TMPO: variants seen among roughly 807,000 people sequenced by gnomAD.
The protein encoded by TMPO is LEM domain containing 4.
TMPO carries 22 observed loss-of-function variants against 45.4 expected under a neutral mutation model. The observed-to-expected ratio is 0.48, with a 90% CI of 0.35 to 0.69. TMPO has a LOEUF of 0.69. Ranked by LOEUF, TMPO falls within the 30% of genes least tolerant of loss-of-function variation. The probability of loss-of-function intolerance (pLI) is 0.01; values close to 1 mark genes in which losing one functional copy is unlikely to be tolerated. For missense variants in TMPO, 512 were observed against 548.8 expected (o/e 0.93, Z 0.67); for synonymous variants, 241 against 204.1 (o/e 1.18, Z -1.54).
rs546263153 is a variant in TMPO at position 98,516,297 on chromosome 12, C to T, written c.279+151C>T. The T allele has an allele frequency of 3.3e-3, 4,103 of 1,237,702 alleles. 12 individuals carry two copies. The highest frequency in any genetic ancestry group is 4.6e-3 in the Admixed American group (107 of 23,092). The allele number at this position is 1,237,702 out of a possible 1,614,324, so 76.7% of individuals were successfully genotyped here. On this transcript the variant is annotated intron_variant, in intron 1 of 8. Transcript: ENST00000556029. ...GCCCCCTCGCGTCGCCCCTTCCCCG[C>T]GGGGCTGCAGGCGCCGGAGCGGAGA...
At chr12:98,542,592 T>C (rs979641049) in intron 4 of TMPO, among the ~76,000 whole-genome samples, 1 of 152,188 alleles carries the variant, frequency 6.6e-6, no homozygotes, top group African/African-American at 2.4e-5. Context: ...CCAGGTGCAG[T>C]GGCTCACACC....
intron 4 of TMPO, among the ~76,000 whole-genome samples, chr12:98,541,211 T>C (rs1047756528): frequency 6.6e-6 from 1 of 152,198 alleles, no homozygotes; most frequent in Non-Finnish European, 1.5e-5. Flanking sequence ...GAATCAGCCA[T>C]GTTTCTAAGG....
chr12:98,515,789 G>A lies in TMPO; in HGVS notation c.-79G>A. On this transcript the variant is annotated 5_prime_UTR_variant, in exon 1 of 9. Transcript: ENST00000556029. ...CGTGAGGCTCGGAGGCGGCAGCGCG[G>A]TCCCCGGCCAGGAGCAAGCGCGCCG... is the stretch of plus-strand genomic sequence containing the variant. 6.4e-7 allele frequency: 1 copy of A among 1,553,660 alleles called. No homozygotes were observed. The highest frequency in any genetic ancestry group is 8.7e-7 in the Non-Finnish European group (1 of 1,149,762).
intron 4 of TMPO, 115 bp from the exon 5 acceptor site, chr12:98,544,115 G>C: frequency 1.7e-6 from 2 of 1,160,906 alleles, no homozygotes; most frequent in Non-Finnish European, 2.5e-6. Context: ...AGCCTTGTTT[G>C]TAAATGCTGG....
At chr12:98,518,026 C>T (rs1433337014) in intron 1 of TMPO, among the ~76,000 whole-genome samples, 3 of 151,912 alleles carry the variant, frequency 2.0e-5, no homozygotes, top group African/African-American at 4.8e-5. Context: ...AAAAATTAGC[C>T]GTGCCTGGTG....
At chr12:98,534,775 C>G (rs1372653554) in intron 3 of TMPO, 10 of 1,010,128 alleles carry the variant, frequency 9.9e-6, no homozygotes, top group African/African-American at 7.0e-5. Flanking sequence ...ACTTTTATCT[C>G]AGTATCTTTT....
At chr12:98,529,863 T>A (rs1877061732) in intron 2 of TMPO, among the ~76,000 whole-genome samples, 1 of 152,198 alleles carries the variant, frequency 6.6e-6, no homozygotes. Flanking sequence ...CTGGTCTTGA[T>A]CTTCTAAGTT....
At chr12:98,516,477 C>T in intron 1 of TMPO, 1 of 1,117,756 alleles carries the variant, frequency 8.9e-7, no homozygotes, top group Non-Finnish European at 1.1e-6. Context: ...ACTTCCGTGC[C>T]CTTTCGAAAG....
At chr12:98,528,912 C>T (rs1461967383) in intron 2 of TMPO, among the ~76,000 whole-genome samples, 3 of 151,806 alleles carry the variant, frequency 2.0e-5, no homozygotes, top group Admixed American at 6.6e-5. Context: ...TGCAGTGAGC[C>T]GTGATGGCTA....
intron 3 of TMPO, chr12:98,535,401 GA>G (rs1316346660): frequency 7.1e-6 from 7 of 985,264 alleles, no homozygotes; most frequent in Non-Finnish European, 8.4e-6. Flanking sequence ...AGGTATTGTG[GA>G]AAGTAGTAGC....
chr12:98,521,071 C>T (rs2121131277), intron 1 of TMPO, among the ~76,000 whole-genome samples: 1 of 145,424 alleles, frequency 6.9e-6, no homozygotes, highest in African/African-American at 2.6e-5. Flanking sequence ...CATGCATATA[C>T]CTTCTATTTA....
chr12:98,549,451 T>C lies in TMPO; in HGVS notation c.*1593T>C, dbSNP rs1056869808. ...TGCTGGGATTACAGGTGTGATCCAC[T>C]GCACCCGGCCGGCATTATGATTTTG... is the stretch of plus-strand genomic sequence containing the variant. On this transcript the variant is annotated 3_prime_UTR_variant, in exon 9 of 9. Coordinates refer to ENST00000556029, the MANE Select transcript of TMPO (RefSeq NM_001032283.3). The C allele has an allele frequency of 9.0e-6, 1 of 111,156 alleles. No homozygotes were observed. The highest frequency in any genetic ancestry group is 2.0e-5 in the Non-Finnish European group (1 of 50,854). 6.9% of individuals were successfully genotyped at this position (111,156 alleles called of 1,614,324 possible).
At position 98,537,168 on chromosome 12, in the gene TMPO, T is replaced by C. The variant is rs548576611; in HGVS notation, c.566-307T>C. 1.3e-3 allele frequency among the ~76,000 whole-genome samples: 201 copies of C among 152,328 alleles called. 2 individuals are homozygous for C. The highest frequency in any genetic ancestry group is 4.6e-3 in the African/African-American group (193 of 41,574). ...CTAAATTGTTCTTACTGAAAAGCTT[T>C]CGTGGGAGCATTTTGAACTCACTTC... is the stretch of plus-strand genomic sequence containing the variant. On this transcript the variant is annotated intron_variant, in intron 3 of 8. Transcript: ENST00000556029.
intron 4 of TMPO, among the ~76,000 whole-genome samples, chr12:98,541,623 T>C (rs1029612622): frequency 2.0e-5 from 3 of 152,248 alleles, no homozygotes; most frequent in Non-Finnish European, 4.4e-5. Flanking sequence ...AGAATTTTTT[T>C]GTGTCATACA....
chr12:98,544,262 A>G lies in TMPO; in HGVS notation c.696A>G (p.Glu232=). The change falls in exon 5 of 9, where the codon GAA becomes GAG. Residue 232 remains glutamate, a synonymous_variant. Transcript: ENST00000556029. ...SYSQAGITET[E]WTSGSSKGGP... is the part of the protein sequence containing the mutation. ...CTCAAGCTGGAATAACTGAGACTGA[A>G]TGGACAAGTGGATCTTCAAAAGGCG... 1.2e-6 allele frequency: 2 copies of G among 1,613,986 alleles called. No individual in the cohort carries two copies. The highest frequency in any genetic ancestry group is 1.7e-6 in the Non-Finnish European group (2 of 1,179,880).
rs534009916 is a variant in TMPO, at chr12:98,519,071, A to G, written c.279+2925A>G. ...CTAATTTTTTGTATTTTTAGTAGAGATGGGGTTTCACCGTGTTAGCCAGGA... is the reference window on the plus strand; with the variant it reads ...CTAATTTTTTGTATTTTTAGTAGAGGTGGGGTTTCACCGTGTTAGCCAGGA... On this transcript the variant is annotated intron_variant, in intron 1 of 8. Transcript: ENST00000556029. 4.7e-4 allele frequency among the ~76,000 whole-genome samples: 71 copies of G among 150,526 alleles called. 2 individuals carry two copies. The South Asian group carries it at 0.014, about 30-fold the overall frequency.
Position 98,516,141 on chromosome 12 carries a change from G to C in TMPO, c.274G>C (p.Gly92Arg), listed in dbSNP as rs1201669937. The C allele has an allele frequency of 2.1e-6, 3 of 1,455,268 alleles. No homozygotes were observed. Among genetic ancestry groups the C allele is most frequent in the Non-Finnish European group, 2.7e-6 (3 of 1,113,590 alleles). The allele number at this position is 1,455,268 out of a possible 1,614,324, so 90.1% of individuals were successfully genotyped here. A position where few individuals can be genotyped will look rare whatever the true frequency, so the allele number is the denominator to read the frequency against. Residue 92 changes from glycine (G) to arginine (R), a missense_variant, in exon 1 of 9, where the codon GGC becomes CGC. Gly to Arg is a moderately radical substitution (Grantham distance 125). Around this residue, in one of 3 missense-constraint regions of TMPO, gnomAD observed 299 missense variants for 296.7 expected, o/e 1.01. Transcript: ENST00000556029. ...AAAGRSRAAV[G>R]RKATKKTDKP... ...CGCGGGCCGGAGCCGAGCAGCCGTCGGCAGGGTAAGGACGCGGGGCCGGGG... is the reference window on the plus strand; with the variant it reads ...CGCGGGCCGGAGCCGAGCAGCCGTCCGCAGGGTAAGGACGCGGGGCCGGGG...
At chr12:98,533,120 T>TTC in intron 3 of TMPO, 1 of 1,614,156 alleles carries the variant, frequency 6.2e-7, no homozygotes, top group Non-Finnish European at 8.5e-7. Flanking sequence ...GATAGGTGTT[T>TTC]AGAGAAAAGT....
At chr12:98,516,202 C>T (rs1009531423) in intron 1 of TMPO, 56 bp downstream of exon 1, 2 of 1,319,366 alleles carry the variant, frequency 1.5e-6, no homozygotes, top group African/African-American at 3.1e-5. Flanking sequence ...GCCGCGCGCG[C>T]TCGCCGCCGT....
Sources: gnomAD v4.1 joint callset for allele counts (sites outside exome capture counted in the v4.1 genomes callset) on GRCh38, gnomAD v4.1.1 for gene constraint, gnomAD v4.1.1 regional missense constraint, MANE v1.5 for transcripts, NCBI Gene and HGNC (gene_info 2026-07-23, HGNC 2026-07-21) for gene names.